Variants in DPEP2 observed in about 807,000 individuals in gnomAD.
The protein encoded by DPEP2 is dipeptidase 2.
A neutral mutation model predicts 51.8 loss-of-function variants in DPEP2; 45 were observed. The observed-to-expected ratio is 0.87, with a 90% CI of 0.68 to 1.11. DPEP2 has a LOEUF of 1.11. DPEP2 is among the 50% of genes most tolerant of loss of function. The pLI is 0.00. For missense variants in DPEP2, 604 were observed against 631.9 expected, an observed-to-expected ratio of 0.96 and a Z score of 0.47; for synonymous variants, 255 against 262.7, an observed-to-expected ratio of 0.97 and a Z score of 0.28.
At chr16:67,993,516 C>T in intron 1 of DPEP2, 2 of 1,141,696 alleles carry the variant, frequency 1.8e-6, no homozygotes, top group African/African-American at 1.6e-5. Context: ...GCCCTCCACC[C>T]TCCCTTTTAC....
Position 67,990,956 on chromosome 16 carries a change from G to A in DPEP2, c.774C>T (p.Asp258=). The change falls in exon 7 of 11, where the codon GAC becomes GAT. Residue 258 remains aspartate, a synonymous_variant. Transcript: ENST00000393847. ...AEMNRLGMMV[D]LSHVSDAVAR... ...CCACAGCATCTGAGACATGGGATAA[G>A]TCTACCATCATGCCCAGGCGGTTCA... The A allele has an allele frequency of 1.2e-6, 2 of 1,614,240 alleles. No individual in the cohort carries two copies. The highest frequency in any genetic ancestry group is 1.7e-6 in the Non-Finnish European group (2 of 1,180,034).
rs919596325 is a variant in DPEP2 at position 67,992,369 on chromosome 16, C to A, written c.390+141G>T. 19 of 1,449,240 alleles carry A rather than the reference C, an allele frequency of 1.3e-5. No individual in the cohort carries two copies. The African/African-American group carries it at 2.5e-4, about 19-fold the overall frequency. The allele number at this position is 1,449,240 out of a possible 1,614,324, so 89.8% of individuals were successfully genotyped here. A position where few individuals can be genotyped will look rare whatever the true frequency, so the allele number is the denominator to read the frequency against. On this transcript the variant is annotated intron_variant, in intron 3 of 10. Transcript: ENST00000393847. ...CTGGCTCACTGTAGCCTCTGCAGCCCCCAGCATCCATATCATGACACTTTT... is the reference window on the plus strand; with the variant it reads ...CTGGCTCACTGTAGCCTCTGCAGCCACCAGCATCCATATCATGACACTTTT...
intron 1 of DPEP2, among the ~76,000 whole-genome samples, chr16:67,997,325 C>T (rs755636646): frequency 7.6e-4 from 115 of 150,704 alleles, no homozygotes; most frequent in Non-Finnish European, 8.4e-4. Context: ...GAGCCACCCC[C>T]GACCCTTGGC....
chr16:67,997,397 C>T (rs946600442), intron 1 of DPEP2, among the ~76,000 whole-genome samples: 6 of 151,852 alleles, frequency 4.0e-5, no homozygotes, highest in African/African-American at 1.2e-4. Flanking sequence ...CGCTCTGTCG[C>T]CCAGGCTGGA....
Position 67,992,153 on chromosome 16 carries a change from T to C in DPEP2, c.431A>G (p.Asp144Gly), listed in dbSNP as rs1567447944. 1.1e-5 allele frequency: 17 copies of C among 1,614,132 alleles called. No homozygotes were observed. Among genetic ancestry groups the C allele is most frequent in the Non-Finnish European group, 1.4e-5 (16 of 1,180,022 alleles). ...CTGCTCCAGGGTGAGGCGCAGGGCA[T>C]CCCGGTCCTGGGTCTGGCATGGCAC... ...AYVPCQTQDR[D>G]ALRLTLEQID... Residue 144 changes from aspartate to glycine, a missense_variant, in exon 4 of 11, where the codon GAT becomes GGT. Coordinates refer to ENST00000393847, the MANE Select transcript of DPEP2 (RefSeq NM_022355.4).
intron 2 of DPEP2, 31 bp downstream of exon 2, chr16:67,992,919 C>T (rs1253482013): frequency 6.3e-7 from 1 of 1,589,310 alleles, no homozygotes. Flanking sequence ...GTGTGCTCAG[C>T]TCCCATCGCC....
chr16:67,993,100 C>G lies in DPEP2; in HGVS notation c.113G>C (p.Gly38Ala), dbSNP rs769325455. Reference sequence around the variant, plus strand: ...CAGCGTGGTGAGGGCTCTGGGGGGGCCTGGCGTGGTGTAGGCACAGGTTAC... The same window carrying G: ...CAGCGTGGTGAGGGCTCTGGGGGGGGCTGGCGTGGTGTAGGCACAGGTTAC... ...QPVTCAYTTP[G>A]PPRALTTLGA... Residue 38 changes from glycine to alanine, a missense_variant, in exon 2 of 11, where the codon GGC (glycine) becomes GCC (alanine). By Grantham distance (60) the Gly-to-Ala change is moderately conservative. Coordinates refer to ENST00000393847, the MANE Select transcript of DPEP2 (RefSeq NM_022355.4). 13 of 1,565,836 alleles carry G rather than the reference C, an allele frequency of 8.3e-6. No homozygotes were observed. The South Asian group carries it at 1.2e-4, about 14-fold the overall frequency.
chr16:67,999,787 G>A (rs1424942875), upstream of DPEP2: 2 of 152,170 alleles, frequency 1.3e-5, no homozygotes, highest in Admixed American at 6.6e-5. Context: ...CATGCCTGTG[G>A]TTCCAGGTAC....
intron 1 of DPEP2, 88 bp from the exon 2 acceptor site, chr16:67,993,345 G>A (rs1567451319): frequency 7.6e-7 from 1 of 1,307,536 alleles, no homozygotes; most frequent in Non-Finnish European, 9.7e-7. Context: ...CAAGAGGAGG[G>A]TAACGAAGTC....
intron 1 of DPEP2, among the ~76,000 whole-genome samples, chr16:67,998,739 C>T (rs1444422217): frequency 6.6e-6 from 1 of 152,192 alleles, no homozygotes; most frequent in South Asian, 2.1e-4. Flanking sequence ...ATACACCAGT[C>T]GGCACTCAGT....
chr16:67,996,744 G>A (rs1223605043), intron 1 of DPEP2, among the ~76,000 whole-genome samples: 1 of 151,938 alleles, frequency 6.6e-6, no homozygotes, highest in Non-Finnish European at 1.5e-5. Flanking sequence ...CCTGGGACTT[G>A]GGGTACCTGC....
chr16:67,987,508 A>G lies in DPEP2; in HGVS notation c.1459T>C (p.Ter487ArgextTer1), dbSNP rs2031533850. ...ATCTGGCAGGACTAACTGGGTCATCAGAGCCACAGAATAAGGACTGGGAAG... is the reference window on the plus strand; with the variant it reads ...ATCTGGCAGGACTAACTGGGTCATCGGAGCCACAGAATAAGGACTGGGAAG... ...ATFPVLILWL[*>R] The change falls in exon 11 of 11, where the codon TGA (stop) becomes CGA (arginine). Residue 487 changes from the stop codon to arginine, a stop_lost. Coordinates refer to ENST00000393847, the MANE Select transcript of DPEP2 (RefSeq NM_022355.4). 6.2e-7 allele frequency: 1 copy of G among 1,606,428 alleles called. No homozygotes were observed. The highest frequency in any genetic ancestry group is 1.7e-4 in the Middle Eastern group (1 of 6,044).
rs780785366 is a variant in DPEP2, at chr16:67,993,098, G to C, written c.115C>G (p.Pro39Ala). The C allele has an allele frequency of 1.9e-5, 29 of 1,566,786 alleles. No homozygotes were observed. The highest frequency in any genetic ancestry group is 2.5e-5 in the Non-Finnish European group (29 of 1,155,158). The change falls in exon 2 of 11, where the codon CCC becomes GCC. Residue 39 changes from proline to alanine, a missense_variant. Transcript: ENST00000393847. ...PVTCAYTTPG[P>A]PRALTTLGAP... ...CCCAGCGTGGTGAGGGCTCTGGGGG[G>C]GCCTGGCGTGGTGTAGGCACAGGTT...
chr16:67,989,521 G>A, intron 8 of DPEP2, 123 bp from the exon 9 acceptor site: 1 of 964,096 alleles, frequency 1.0e-6, no homozygotes, highest in Non-Finnish European at 1.6e-6. Flanking sequence ...ATTCCTTTAT[G>A]GCCTGCCACA....
Position 67,994,730 on chromosome 16 carries a change from A to G in DPEP2, c.-45-1473T>C, listed in dbSNP as rs1178558530. 6.1e-6 allele frequency: 6 copies of G among 981,498 alleles called. No homozygotes were observed. In the Admixed American group the frequency reaches 3.1e-4, roughly 50 times the overall value. 60.8% of individuals were successfully genotyped at this position (981,498 alleles called of 1,614,324 possible). A position where few individuals can be genotyped will look rare whatever the true frequency, so the allele number is the denominator to read the frequency against. ...AAAAAGAAAATGAACCAACTCTTCC[A>G]AAGGGACTGGAGGTCCCAAGCTACC... On this transcript the variant is annotated intron_variant, in intron 1 of 10. Transcript: ENST00000393847.
intron 1 of DPEP2, among the ~76,000 whole-genome samples, chr16:67,996,827 C>T (rs957868969): frequency 6.6e-6 from 1 of 151,784 alleles, no homozygotes; most frequent in African/African-American, 2.4e-5. Context: ...AGCCAGACAA[C>T]ACAATTTTCC....
At chr16:67,996,190 C>A (rs369303767) in intron 1 of DPEP2, among the ~76,000 whole-genome samples, 4 of 149,162 alleles carry the variant, frequency 2.7e-5, no homozygotes, top group African/African-American at 7.5e-5. Context: ...GTACTCGCCA[C>A]CACACTCGGC....
At chr16:67,992,817 C>T (rs1327869551) in intron 2 of DPEP2, 133 bp downstream of exon 2, 4 of 1,478,000 alleles carry the variant, frequency 2.7e-6, no homozygotes, top group Non-Finnish European at 3.6e-6. Flanking sequence ...GGAAAGGGTA[C>T]CCATGCATGA....
At chr16:67,994,973 T>G (rs2032598860) in intron 1 of DPEP2, 1 of 822,292 alleles carries the variant, frequency 1.2e-6, no homozygotes, top group Non-Finnish European at 1.5e-6. Flanking sequence ...CAATCTTGGC[T>G]CACTGCAATC....
Sources: allele counts gnomAD v4.1 joint callset (sites outside exome capture counted in the v4.1 genomes callset), GRCh38; gene constraint gnomAD v4.1.1; transcripts MANE v1.5; gene names NCBI Gene and HGNC (gene_info 2026-07-23, HGNC 2026-07-21).